NAMPT: variants seen among roughly 807,000 people sequenced by gnomAD.
NAMPT encodes the protein nicotinamide phosphoribosyltransferase.
A neutral mutation model predicts 58.7 loss-of-function variants in NAMPT; 7 were observed. The observed-to-expected ratio is 0.12, with a 90% CI of 0.07 to 0.22. NAMPT has a LOEUF of 0.22. NAMPT is among the 10% of genes least tolerant of loss of function. The probability of loss-of-function intolerance (pLI) is 1.00; values close to 1 mark genes in which losing one functional copy is unlikely to be tolerated. For missense variants in NAMPT, 271 were observed against 567.9 expected, an observed-to-expected ratio of 0.48 and a Z score of 5.31; for synonymous variants, 145 against 198.1, an observed-to-expected ratio of 0.73 and a Z score of 2.25.
chr7:106,274,885 G>A, intron 3 of NAMPT, 61 bp downstream of exon 3: 1 of 1,080,068 alleles, frequency 9.3e-7, no homozygotes, highest in Non-Finnish European at 1.4e-6. Context: ...AAATTCCTTT[G>A]CAAGAAGTTT....
At chr7:106,270,716 G>A (rs1480365593) in intron 4 of NAMPT, among the ~76,000 whole-genome samples, 3 of 152,098 alleles carry the variant, frequency 2.0e-5, no homozygotes, top group South Asian at 2.1e-4. Context: ...AGTGAGACCC[G>A]GTAGTCCCAG....
chr7:106,251,716 C>A (rs1363471321), intron 10 of NAMPT, among the ~76,000 whole-genome samples: 1 of 152,100 alleles, frequency 6.6e-6, no homozygotes, highest in Non-Finnish European at 1.5e-5. Context: ...CAAAGAAAAA[C>A]AAGTATTGCA....
At chr7:106,272,460 C>A in intron 4 of NAMPT, 70 bp downstream of exon 4, 2 of 1,392,776 alleles carry the variant, frequency 1.4e-6, no homozygotes, top group Admixed American at 2.3e-5. Flanking sequence ...GTAACAAATT[C>A]TAAACTGTAA....
rs764187489 is a variant in NAMPT, at chr7:106,272,605, G to A, written c.372C>T (p.Val124=). The A allele has an allele frequency of 1.1e-5, 18 of 1,613,026 alleles. No homozygotes were observed. Among genetic ancestry groups the A allele is most frequent in the Non-Finnish European group, 1.5e-5 (18 of 1,179,334 alleles). Residue 124 remains valine, a synonymous_variant, in exon 4 of 11, where the codon GTC becomes GTT. Coordinates refer to ENST00000222553, the MANE Select transcript of NAMPT (RefSeq NM_005746.3). ...TGAAGAGAACATTTCCTCTGGGAAT[G>A]ACAAAGCCCTCAGGAACAGCTTTTA... ...IEIKAVPEGF[V]IPRGNVLFTV...
At position 106,254,415 on chromosome 7, in the gene NAMPT, A is replaced by G; in HGVS notation, c.1179T>C (p.Asp393=). The G allele has an allele frequency of 6.2e-7, 1 of 1,613,992 alleles. No individual in the cohort carries two copies. The highest frequency in any genetic ancestry group is 8.5e-7 in the Non-Finnish European group (1 of 1,179,870). ...TACACTTGAAGGAACAATTCAAGAGATCTCTTGTCAACTTCTGTAGCAAAC... is the reference window on the plus strand; with the variant it reads ...TACACTTGAAGGAACAATTCAAGAGGTCTCTTGTCAACTTCTGTAGCAAAC... ...GGGLLQKLTR[D]LLNCSFKCSY... Residue 393 remains aspartate, a synonymous_variant, in exon 9 of 11, where the codon GAT becomes GAC. Transcript: ENST00000222553.
intron 6 of NAMPT, among the ~76,000 whole-genome samples, chr7:106,266,637 C>T (rs1200383561): frequency 6.6e-6 from 1 of 152,200 alleles, no homozygotes; most frequent in Non-Finnish European, 1.5e-5. Context: ...AGCCATTGCT[C>T]ATGTTTACCT....
upstream of NAMPT, chr7:106,285,097 C>G (rs1013159882): frequency 1.0e-5 from 14 of 1,351,684 alleles, no homozygotes; most frequent in East Asian, 2.3e-4. Flanking sequence ...GGCTCGCGTG[C>G]TCGCAGTCTG....
intron 8 of NAMPT, among the ~76,000 whole-genome samples, chr7:106,258,512 A>C (rs1010826569): frequency 2.0e-5 from 3 of 152,208 alleles, no homozygotes; most frequent in African/African-American, 4.8e-5. Context: ...GTTATGATGA[A>C]ATTATGGCCC....
intron 8 of NAMPT, among the ~76,000 whole-genome samples, chr7:106,258,871 A>C (rs1438580711): frequency 1.3e-5 from 2 of 152,162 alleles, no homozygotes; most frequent in African/African-American, 4.8e-5. Context: ...TGACTGTGGC[A>C]ATGCCTTAAA....
chr7:106,279,812 T>C (rs1792725806), intron 1 of NAMPT, among the ~76,000 whole-genome samples: 2 of 152,090 alleles, frequency 1.3e-5, no homozygotes, highest in Non-Finnish European at 1.5e-5. Flanking sequence ...TGTAAGAGAA[T>C]GATGGGCTAG....
chr7:106,274,443 T>A (rs530358881), intron 3 of NAMPT, among the ~76,000 whole-genome samples: 1 of 152,128 alleles, frequency 6.6e-6, no homozygotes, highest in Non-Finnish European at 1.5e-5. Context: ...CAACCTTAAC[T>A]TTTCAAAAGG....
intron 1 of NAMPT, among the ~76,000 whole-genome samples, chr7:106,281,563 C>T (rs895708839): frequency 1.3e-5 from 2 of 152,206 alleles, no homozygotes; most frequent in Admixed American, 1.3e-4. Context: ...AGGATACACT[C>T]TGCCCAACAC....
At chr7:106,260,907 G>A (rs1366216541) in intron 8 of NAMPT, among the ~76,000 whole-genome samples, 1 of 152,086 alleles carries the variant, frequency 6.6e-6, no homozygotes, top group Non-Finnish European at 1.5e-5. Context: ...TAGTAACATC[G>A]AAGATCACTA....
intron 3 of NAMPT, among the ~76,000 whole-genome samples, chr7:106,274,355 T>C (rs1562818036): frequency 6.6e-6 from 1 of 152,126 alleles, no homozygotes; most frequent in African/African-American, 2.4e-5. Flanking sequence ...AATTCATTTT[T>C]ATTAATTACT....
chr7:106,283,235 A>C (rs1006513198), intron 1 of NAMPT, among the ~76,000 whole-genome samples: 1 of 152,194 alleles, frequency 6.6e-6, no homozygotes, highest in Non-Finnish European at 1.5e-5. Flanking sequence ...TGCAAATTCT[A>C]ATAGTGCAAT....
At chr7:106,253,836 G>A (rs1792147191) in intron 9 of NAMPT, among the ~76,000 whole-genome samples, 1 of 152,058 alleles carries the variant, frequency 6.6e-6, no homozygotes, top group South Asian at 2.1e-4. Context: ...TTAATTCTTA[G>A]CATCCTCCTG....
At chr7:106,267,257 CCA>C (rs1486658641) in intron 6 of NAMPT, among the ~76,000 whole-genome samples, 9 of 148,728 alleles carry the variant, frequency 6.1e-5, no homozygotes, top group African/African-American at 2.4e-4. Flanking sequence ...GAGGAGTTAA[CCA>C]ACAGAGCAGA....
intron 7 of NAMPT, among the ~76,000 whole-genome samples, chr7:106,262,287 T>C (rs1037697153): frequency 2.6e-5 from 4 of 152,082 alleles, no homozygotes; most frequent in East Asian, 1.9e-4. Context: ...ACTAAAAGTT[T>C]TGTACACCAA....
At chr7:106,285,111 G>C, upstream of NAMPT, 3 of 1,336,540 alleles carry the variant, frequency 2.2e-6, no homozygotes, top group Non-Finnish European at 2.9e-6. Context: ...CAGTCTGGGA[G>C]CTCTGGCGGA....
Sources: allele counts gnomAD v4.1 joint callset (sites outside exome capture counted in the v4.1 genomes callset), GRCh38; gene constraint gnomAD v4.1.1; transcripts MANE v1.5; gene names NCBI Gene and HGNC (gene_info 2026-07-23, HGNC 2026-07-21).